The following ZFP1 variants were observed in gnomAD, a reference collection of about 807,000 sequenced individuals.
The protein encoded by ZFP1 is zinc finger protein 1 homolog.
A neutral mutation model predicts 38.5 loss-of-function variants in ZFP1; 32 were observed. That is an observed-to-expected ratio of 0.83 (90% CI 0.63 to 1.12). The LOEUF (loss-of-function observed/expected upper bound fraction) is 1.12, where lower values mean the gene tolerates loss of function less well. Ranked by LOEUF, ZFP1 falls within the 50% of genes most tolerant of loss-of-function variation. The pLI is 0.00. For synonymous variants in ZFP1, 245 were observed against 168.8 expected (o/e 1.45, Z -3.50); for missense variants, 616 against 480.8 (o/e 1.28, Z -2.63).
At chr16:75,168,736 T>C (rs978273869) in intron 3 of ZFP1, among the ~76,000 whole-genome samples, 4 of 152,266 alleles carry the variant, frequency 2.6e-5, no homozygotes, top group African/African-American at 9.6e-5. Flanking sequence ...TTGGTAAAGA[T>C]GAACAGTAGA....
intron 2 of ZFP1, among the ~76,000 whole-genome samples, chr16:75,153,504 C>G (rs2037311683): frequency 6.6e-6 from 1 of 152,158 alleles, no homozygotes; most frequent in Non-Finnish European, 1.5e-5. Context: ...GCATGTTAAT[C>G]ATACTGTTCT....
At chr16:75,134,206 C>T in the ZFP1 span, among the ~76,000 whole-genome samples, 1 of 152,308 alleles carries the variant, frequency 6.6e-6, no homozygotes, top group South Asian at 2.1e-4. Context: ...ATTCTAAGAA[C>T]TACTGACTTA....
chr16:75,170,322 G>A lies in ZFP1; in HGVS notation c.1212G>A (p.Gly404=), dbSNP rs1335929331. The A allele has an allele frequency of 6.3e-7, 1 of 1,575,768 alleles. No homozygotes were observed. Among genetic ancestry groups the A allele is most frequent in the African/African-American group, 1.4e-5 (1 of 73,810 alleles). ...GTGTCCATCAGAGAGTTCACATCGG[G>A]GAGAAACCCTGAAACTCCAGCCAGG... ...RLSVHQRVHI[G]EKP is the part of the protein sequence containing the mutation. Residue 404 remains glycine, a synonymous_variant, in exon 4 of 4, where the codon GGG becomes GGA. Transcript: ENST00000570010.
At chr16:75,122,552 C>G in the ZFP1 span, among the ~76,000 whole-genome samples, 3 of 152,224 alleles carry the variant, frequency 2.0e-5, no homozygotes, top group African/African-American at 2.4e-5. Flanking sequence ...GCTGAACATA[C>G]TGACATACTG....
chr16:75,125,999 G>C, the ZFP1 span, among the ~76,000 whole-genome samples: 1 of 139,598 alleles, frequency 7.2e-6, no homozygotes, highest in Admixed American at 7.9e-5. Context: ...GCAGTGAGCT[G>C]AGATCAACCC....
the ZFP1 span, among the ~76,000 whole-genome samples, chr16:75,137,944 G>T: frequency 6.7e-6 from 1 of 148,570 alleles, no homozygotes; most frequent in Non-Finnish European, 1.5e-5. Context: ...GGGGAAAAGA[G>T]ACAAGCCTCA....
chr16:75,148,015 T>C (rs952912052), upstream of ZFP1, among the ~76,000 whole-genome samples: 8 of 152,148 alleles, frequency 5.3e-5, no homozygotes, highest in African/African-American at 1.9e-4. Flanking sequence ...ATCTTAAATA[T>C]ATAGATCTCA....
chr16:75,136,941 T>C, the ZFP1 span, among the ~76,000 whole-genome samples: 1 of 152,154 alleles, frequency 6.6e-6, no homozygotes, highest in East Asian at 1.9e-4. Context: ...TTAGTATACA[T>C]ACATATATTT....
At chr16:75,145,181 A>G (rs149487337), upstream of ZFP1, among the ~76,000 whole-genome samples, 9 of 152,350 alleles carry the variant, frequency 5.9e-5, no homozygotes, top group African/African-American at 1.4e-4. Flanking sequence ...ACACCTTTCT[A>G]TGAACCTGTT....
intron 2 of ZFP1, among the ~76,000 whole-genome samples, chr16:75,155,595 A>G (rs2037431288): frequency 6.6e-6 from 1 of 152,226 alleles, no homozygotes; most frequent in Non-Finnish European, 1.5e-5. Flanking sequence ...TGTTATAACA[A>G]CATATATAAC....
At chr16:75,161,774 A>ATTTTTTTTTT (rs200925992) in intron 2 of ZFP1, among the ~76,000 whole-genome samples, 4 of 7,818 alleles carry the variant, frequency 5.1e-4, no homozygotes, top group Non-Finnish European at 1.1e-3. Flanking sequence ...ATATATATAT[A>ATTTTTTTTTT]TTTTTTTTTT....
chr16:75,168,823 C>G (rs1297750118), intron 3 of ZFP1, among the ~76,000 whole-genome samples: 2 of 152,146 alleles, frequency 1.3e-5, no homozygotes, highest in Non-Finnish European at 2.9e-5. Context: ...GCAAATAATA[C>G]TATTAGTCGA....
rs1318225563 is a variant in ZFP1 at position 75,172,042 on chromosome 16, AAAAG to A, written c.*1710_*1713del. 2 of 152,328 alleles carry A rather than the reference AAAAG, an allele frequency of 1.3e-5. No individual in the cohort carries two copies. Among genetic ancestry groups the A allele is most frequent in the East Asian group, 1.9e-4 (1 of 5,178 alleles). The allele number at this position is 152,328 out of a possible 1,614,324, so 9.4% of individuals were successfully genotyped here. A position where few individuals can be genotyped will look rare whatever the true frequency, so the allele number is the denominator to read the frequency against. On this transcript the variant is annotated 3_prime_UTR_variant, in exon 4 of 4. Transcript: ENST00000570010. ...GTAAGGACCAAAAAAACAAACAAAA[AAAAG>A]ACCATCAGTAAGGGAATGGATGAAT...
chr16:75,129,509 G>A, the ZFP1 span, among the ~76,000 whole-genome samples: 5 of 152,168 alleles, frequency 3.3e-5, no homozygotes, highest in South Asian at 2.1e-4. Flanking sequence ...TGAGATAAAT[G>A]CGTATCCTTT....
chr16:75,123,182 C>G, the ZFP1 span, among the ~76,000 whole-genome samples: 2 of 151,286 alleles, frequency 1.3e-5, no homozygotes, highest in Non-Finnish European at 2.9e-5. Flanking sequence ...GGTGAAACCT[C>G]ATCTCTATTA....
the ZFP1 span, among the ~76,000 whole-genome samples, chr16:75,136,980 A>AAAT: frequency 6.6e-6 from 1 of 152,184 alleles, no homozygotes; most frequent in African/African-American, 2.4e-5. Context: ...GGGGTCCTAA[A>AAAT]AATAATAATA....
At chr16:75,125,259 G>A in the ZFP1 span, among the ~76,000 whole-genome samples, 3 of 151,918 alleles carry the variant, frequency 2.0e-5, no homozygotes, top group Admixed American at 6.6e-5. Flanking sequence ...ACTCTATCTC[G>A]AAAAAAATTT....
At chr16:75,138,884 G>A in the ZFP1 span, among the ~76,000 whole-genome samples, 94 of 152,322 alleles carry the variant, frequency 6.2e-4, 2 homozygotes, top group Middle Eastern at 0.01. Flanking sequence ...TGCCCAGTAT[G>A]TGGTCCTTTG....
In ZFP1 at chr16:75,150,043, C is replaced by T. The variant is rs543834630; in HGVS notation, c.-44+1400C>T. ...CAAGTGATTCTCCCGCCTTGGCTTC[C>T]CAAAGTGCTGGGATTACAGGCATGA... On this transcript the variant is annotated intron_variant, in intron 1 of 3. Transcript: ENST00000570010. 1.2e-4 allele frequency among the ~76,000 whole-genome samples: 19 copies of T among 152,236 alleles called. 1 individual carries two copies. Among genetic ancestry groups the T allele is most frequent in the East Asian group, 1.2e-3 (6 of 5,170 alleles).
Sources: gnomAD v4.1 joint callset for allele counts (sites outside exome capture counted in the v4.1 genomes callset) on GRCh38, gnomAD v4.1.1 for gene constraint, MANE v1.5 for transcripts, NCBI Gene and HGNC (gene_info 2026-07-23, HGNC 2026-07-21) for gene names.